Variants in DACH1 observed in about 807,000 individuals in gnomAD.
DACH1 encodes dachshund homolog 1.
A neutral mutation model predicts 54.2 loss-of-function variants in DACH1; 12 were observed. That is an observed-to-expected ratio of 0.22 (90% CI 0.14 to 0.36). DACH1 has a LOEUF of 0.36. DACH1 is among the 10% of genes least tolerant of loss of function. The pLI, the probability that DACH1 is intolerant of heterozygous loss-of-function variation, is 1.00. For missense variants in DACH1, 805 were observed against 929.8 expected, an observed-to-expected ratio of 0.87 and a Z score of 1.75; for synonymous variants, 386 against 366.2, an observed-to-expected ratio of 1.05 and a Z score of -0.62.
intron 1 of DACH1, among the ~76,000 whole-genome samples, chr13:71,692,738 G>C (rs1404615434): frequency 1.3e-5 from 2 of 151,806 alleles, no homozygotes; most frequent in African/African-American, 2.4e-5. Flanking sequence ...GGCCAGGCTG[G>C]TCTCGAACTC....
At chr13:71,801,537 A>C (rs978469156) in intron 1 of DACH1, among the ~76,000 whole-genome samples, 1 of 152,140 alleles carries the variant, frequency 6.6e-6, no homozygotes, top group Non-Finnish European at 1.5e-5. Flanking sequence ...TTTACAAAAA[A>C]GTTTATCTCT....
intron 1 of DACH1, among the ~76,000 whole-genome samples, chr13:71,683,721 G>C (rs968551643): frequency 2.6e-5 from 4 of 151,992 alleles, no homozygotes; most frequent in African/African-American, 9.7e-5. Context: ...TTTAACTCTT[G>C]TTTAGTTGTC....
intron 1 of DACH1, among the ~76,000 whole-genome samples, chr13:71,740,162 G>A (rs1473641566): frequency 3.3e-5 from 5 of 152,110 alleles, no homozygotes; most frequent in African/African-American, 1.2e-4. Flanking sequence ...TTTATCCTTT[G>A]CTCACTCTAT....
intron 1 of DACH1, among the ~76,000 whole-genome samples, chr13:71,694,459 ATACC>A (rs3076509): frequency 0.87 from 131,939 of 151,930 alleles, 58,012 homozygotes; most frequent in African/African-American, 0.93. Context: ...GACATAGATG[ATACC>A]TACCTATGCA....
At chr13:71,508,503 G>C (rs2138250999) in intron 6 of DACH1, among the ~76,000 whole-genome samples, 1 of 151,256 alleles carries the variant, frequency 6.6e-6, no homozygotes. Context: ...ATCTTGCTCT[G>C]TCACCCAGTC....
intron 3 of DACH1, among the ~76,000 whole-genome samples, chr13:71,621,269 C>T (rs1425441773): frequency 6.6e-6 from 1 of 151,926 alleles, no homozygotes; most frequent in Non-Finnish European, 1.5e-5. Context: ...CCTGCATCCC[C>T]ACATATCAGA....
chr13:71,568,124 T>C (rs1884999760), intron 4 of DACH1, among the ~76,000 whole-genome samples: 1 of 152,002 alleles, frequency 6.6e-6, no homozygotes, highest in South Asian at 2.1e-4. Context: ...AATGTGATAG[T>C]CTGGGATGTT....
chr13:71,751,546 C>T (rs1466079710), intron 1 of DACH1, among the ~76,000 whole-genome samples: 2 of 152,174 alleles, frequency 1.3e-5, no homozygotes, highest in South Asian at 4.1e-4. Context: ...TTTATAATTA[C>T]ATCTTACATG....
At chr13:71,556,920 C>A (rs1034542912) in intron 6 of DACH1, 104 bp downstream of exon 6, 16 of 1,186,622 alleles carry the variant, frequency 1.3e-5, no homozygotes, top group Non-Finnish European at 1.8e-5. Flanking sequence ...CATTTATATG[C>A]TTTTTTTTTA....
chr13:71,550,509 G>A lies in DACH1; in HGVS notation c.1570+6515C>T, dbSNP rs139466587. On this transcript the variant is annotated intron_variant, in intron 6 of 10. Coordinates refer to ENST00000613252, the MANE Select transcript of DACH1 (RefSeq NM_080759.6). ...AGTGTGACGTGATGGTCATCAAGGCGCATGGGTAAAAAGTAAATAAATATT... is the reference window on the plus strand; with the variant it reads ...AGTGTGACGTGATGGTCATCAAGGCACATGGGTAAAAAGTAAATAAATATT... Among the ~76,000 whole-genome samples, 118 of 152,154 alleles carry A rather than the reference G, an allele frequency of 7.8e-4. 2 individuals carry two copies. In the East Asian group the frequency reaches 0.019, roughly 24 times the overall value.
At chr13:71,677,104 T>C (rs1315533877) in intron 2 of DACH1, among the ~76,000 whole-genome samples, 2 of 151,254 alleles carry the variant, frequency 1.3e-5, no homozygotes, top group African/African-American at 4.9e-5. Flanking sequence ...ACTATCCAAA[T>C]TGCATTCCTG....
At chr13:71,530,055 T>C (rs1226835281) in intron 6 of DACH1, among the ~76,000 whole-genome samples, 1 of 152,158 alleles carries the variant, frequency 6.6e-6, no homozygotes, top group East Asian at 1.9e-4. Context: ...TAAAAGACCT[T>C]TCATGCCATA....
rs868741069 is a variant in DACH1, at chr13:71,451,832, G to A, written c.2084-11140C>T. 4.2e-4 allele frequency among the ~76,000 whole-genome samples: 64 copies of A among 152,238 alleles called. 1 individual carries two copies. The highest frequency in any genetic ancestry group is 1.5e-3 in the African/African-American group (61 of 41,562). On this transcript the variant is annotated intron_variant, in intron 10 of 10. Coordinates refer to ENST00000613252, the MANE Select transcript of DACH1 (RefSeq NM_080759.6). ...AAGTTGGATGTCAGATCAGATCAAA[G>A]TATTGTCAATGAAATATTTACTGAG...
intron 3 of DACH1, among the ~76,000 whole-genome samples, chr13:71,604,827 AG>A (rs941694510): frequency 8.6e-5 from 13 of 151,898 alleles, no homozygotes; most frequent in Non-Finnish European, 1.8e-4. Context: ...ATCAAAACAA[AG>A]GGACTTTCAA....
At chr13:71,721,431 GC>G (rs1342250494) in intron 1 of DACH1, among the ~76,000 whole-genome samples, 1 of 152,074 alleles carries the variant, frequency 6.6e-6, no homozygotes, top group Non-Finnish European at 1.5e-5. Flanking sequence ...GAACTAAAGG[GC>G]CAAACACTTA....
chr13:71,550,366 G>T (rs553239762), intron 6 of DACH1, among the ~76,000 whole-genome samples: 1 of 152,160 alleles, frequency 6.6e-6, no homozygotes, highest in Non-Finnish European at 1.5e-5. Flanking sequence ...CATAGCTCCT[G>T]CCCTGAAGAA....
intron 1 of DACH1, among the ~76,000 whole-genome samples, chr13:71,834,421 G>A (rs908383948): frequency 4.6e-5 from 7 of 151,938 alleles, no homozygotes; most frequent in African/African-American, 1.7e-4. Context: ...ACACGCCCGT[G>A]AAGTAAGACC....
chr13:71,766,617 A>G (rs1885641607), intron 1 of DACH1, among the ~76,000 whole-genome samples: 1 of 152,192 alleles, frequency 6.6e-6, no homozygotes, highest in African/African-American at 2.4e-5. Flanking sequence ...GGCAGTCAGT[A>G]GACTGCCAAC....
chr13:71,806,923 A>T (rs1887528074), intron 1 of DACH1, among the ~76,000 whole-genome samples: 1 of 152,218 alleles, frequency 6.6e-6, no homozygotes, highest in African/African-American at 2.4e-5. Context: ...GAATCTAAAA[A>T]TTATAAAATA....
Sources: gnomAD v4.1 joint callset for allele counts (sites outside exome capture counted in the v4.1 genomes callset) on GRCh38, gnomAD v4.1.1 for gene constraint, MANE v1.5 for transcripts, NCBI Gene and HGNC (gene_info 2026-07-23, HGNC 2026-07-21) for gene names.